MATN2: variants seen among roughly 807,000 people sequenced by gnomAD.
MATN2 encodes the protein matrilin 2.
Under a neutral mutation model 103.2 loss-of-function variants are expected in MATN2, and 69 were observed. The observed-to-expected ratio is 0.67, with a 90% confidence interval of 0.55 to 0.82. The LOEUF (loss-of-function observed/expected upper bound fraction) is 0.82. MATN2 is among the 40% of genes least tolerant of loss of function. The pLI, the probability that MATN2 is intolerant of heterozygous loss-of-function variation, is 0.00. For synonymous variants in MATN2, 429 were observed against 450.2 expected (o/e 0.95, Z 0.60); for missense variants, 1,023 against 1,211.5 (o/e 0.84, Z 2.31).
intron 2 of MATN2, among the ~76,000 whole-genome samples, chr8:97,908,999 C>T (rs1819273967): frequency 6.6e-6 from 1 of 151,932 alleles, no homozygotes; most frequent in Non-Finnish European, 1.5e-5. Context: ...AGGGCAGTGC[C>T]CTGATCTTGG....
intron 5 of MATN2, among the ~76,000 whole-genome samples, chr8:97,974,492 G>A (rs1586110523): frequency 6.6e-6 from 1 of 151,948 alleles, no homozygotes; most frequent in Non-Finnish European, 1.5e-5. Context: ...TGTCGCCCAG[G>A]CTGGAATGCA....
At chr8:97,946,839 C>T (rs894478639) in intron 4 of MATN2, among the ~76,000 whole-genome samples, 2 of 152,112 alleles carry the variant, frequency 1.3e-5, no homozygotes, top group African/African-American at 4.8e-5. Context: ...TCCCAAGCTA[C>T]ATAAGTGATT....
intron 1 of MATN2, among the ~76,000 whole-genome samples, chr8:97,882,521 C>T (rs745820462): frequency 6.6e-6 from 1 of 151,856 alleles, no homozygotes; most frequent in Non-Finnish European, 1.5e-5. Context: ...GCCCCTCCCT[C>T]GAGTAGCTGT....
intron 1 of MATN2, among the ~76,000 whole-genome samples, chr8:97,872,834 G>A (rs373611544): frequency 1.3e-5 from 2 of 149,724 alleles, no homozygotes; most frequent in Non-Finnish European, 3.0e-5. Context: ...TCGTTCTATC[G>A]CCCACGCTAG....
At chr8:97,871,162 A>G (rs893947796) in intron 1 of MATN2, among the ~76,000 whole-genome samples, 58 of 152,220 alleles carry the variant, frequency 3.8e-4, no homozygotes, top group African/African-American at 1.4e-3. Context: ...AGCAAAAGGT[A>G]GTTAAAAGTG....
intron 3 of MATN2, among the ~76,000 whole-genome samples, chr8:97,938,909 G>A (rs187049373): frequency 2.6e-4 from 40 of 152,200 alleles, no homozygotes; most frequent in Non-Finnish European, 5.0e-4. Flanking sequence ...TTGAGACAGA[G>A]TCTCGCTGTG....
intron 13 of MATN2, among the ~76,000 whole-genome samples, chr8:98,026,699 A>G (rs1327523301): frequency 6.6e-6 from 1 of 152,210 alleles, no homozygotes; most frequent in East Asian, 1.9e-4. Context: ...GGGCACAAAA[A>G]TGAATGAAAC....
chr8:97,881,048 G>T (rs1276402329), intron 1 of MATN2, among the ~76,000 whole-genome samples: 1 of 152,222 alleles, frequency 6.6e-6, no homozygotes, highest in African/African-American at 2.4e-5. Context: ...CAGAATGATT[G>T]TGGGGATCAA....
intron 1 of MATN2, among the ~76,000 whole-genome samples, chr8:97,886,519 C>T (rs1472313766): frequency 6.6e-6 from 1 of 152,100 alleles, no homozygotes; most frequent in Non-Finnish European, 1.5e-5. Flanking sequence ...GGCACTTGGC[C>T]CAGTGCCTGG....
chr8:97,940,580 C>G (rs1373713889), intron 3 of MATN2, among the ~76,000 whole-genome samples: 1 of 152,196 alleles, frequency 6.6e-6, no homozygotes, highest in Non-Finnish European at 1.5e-5. Flanking sequence ...GATTTAATCA[C>G]AGCTGAGTTT....
chr8:97,943,686 C>G (rs147850703), intron 4 of MATN2, among the ~76,000 whole-genome samples: 2 of 152,112 alleles, frequency 1.3e-5, no homozygotes, highest in African/African-American at 4.8e-5. Flanking sequence ...AACTCCTGAG[C>G]TCAAGTGCTC....
At chr8:97,949,097 G>A (rs1810852245) in intron 4 of MATN2, among the ~76,000 whole-genome samples, 1 of 151,814 alleles carries the variant, frequency 6.6e-6, no homozygotes, top group South Asian at 2.1e-4. Context: ...AAGACATATG[G>A]GTAGTGAAGA....
chr8:97,896,790 T>C (rs1232533085), intron 2 of MATN2, among the ~76,000 whole-genome samples: 24 of 78,674 alleles, frequency 3.1e-4, no homozygotes, highest in Middle Eastern at 0.012. Context: ...TCAGGCAACA[T>C]AGTAGGGCTG....
chr8:97,873,762 C>T (rs1170415917), intron 1 of MATN2, among the ~76,000 whole-genome samples: 1 of 152,068 alleles, frequency 6.6e-6, no homozygotes, highest in African/African-American at 2.4e-5. Flanking sequence ...CCTTGAGTAA[C>T]CCTCAAATTT....
intron 18 of MATN2, among the ~76,000 whole-genome samples, chr8:98,035,374 A>T (rs1393316508): frequency 6.6e-6 from 1 of 151,988 alleles, no homozygotes; most frequent in African/African-American, 2.4e-5. Context: ...AGAGAAAAAA[A>T]ACAAAAATAA....
rs77969563 is a variant in MATN2 at position 97,924,532 on chromosome 8, C to T, written c.143-6421C>T. ...CTGTAGTCCTTCTATTCCCCACAGC[C>T]CCTCAAAGATCGGTGACCTCTCTCT... On this transcript the variant is annotated intron_variant, in intron 2 of 18. Transcript: ENST00000254898. 5.6e-4 allele frequency among the ~76,000 whole-genome samples: 85 copies of T among 152,194 alleles called. No homozygotes were observed. The East Asian group carries it at 0.015, about 27-fold the overall frequency.
At position 98,032,309 on chromosome 8, in the gene MATN2, A is replaced by C; in HGVS notation, c.2573A>C (p.Gln858Pro). 1 of 1,610,174 alleles carries C rather than the reference A, an allele frequency of 6.2e-7. No homozygotes were observed. Among genetic ancestry groups the C allele is most frequent in the Non-Finnish European group, 8.5e-7 (1 of 1,178,020 alleles). The change falls in exon 16 of 19, where the codon CAG (glutamine) becomes CCG (proline). Residue 858 changes from glutamine (Q) to proline (P), a missense_variant. Coordinates refer to ENST00000254898, the MANE Select transcript of MATN2 (RefSeq NM_002380.5). ...PAGELPKTVQQPTESEPVTIN... is the reference protein window; with the variant it reads ...PAGELPKTVQPPTESEPVTIN... ...GGGGAACTGCCAAAAACGGTCCAAC[A>C]GCCAACAGGTACAGTTTTTAAGGCA...
chr8:97,889,643 C>T (rs558518019), intron 2 of MATN2, among the ~76,000 whole-genome samples: 184 of 151,822 alleles, frequency 1.2e-3, no homozygotes, highest in Non-Finnish European at 2.3e-3. Flanking sequence ...GGGGTTTTGC[C>T]ATGTTGGCCA....
At chr8:98,035,532 G>T in intron 18 of MATN2, 125 bp from the exon 19 acceptor site, 1 of 566,166 alleles carries the variant, frequency 1.8e-6, no homozygotes, top group South Asian at 2.6e-5. Context: ...ATACTTGACA[G>T]AAATGGGAAA....
Sources: gnomAD v4.1 joint callset for allele counts (sites outside exome capture counted in the v4.1 genomes callset) on GRCh38, gnomAD v4.1.1 for gene constraint, MANE v1.5 for transcripts, NCBI Gene and HGNC (gene_info 2026-07-23, HGNC 2026-07-21) for gene names.